CCSER1: variants seen among roughly 807,000 people sequenced by gnomAD.
CCSER1 encodes the protein coiled-coil serine rich protein 1, also known as serine-rich coiled-coil domain-containing protein 1.
Under a neutral mutation model 82.0 loss-of-function variants are expected in CCSER1, and 41 were observed. The ratio of observed to expected loss-of-function variants is 0.50; its 90% CI spans 0.39 to 0.65. The LOEUF (loss-of-function observed/expected upper bound fraction) is 0.65. CCSER1 is among the 30% of genes least tolerant of loss of function. CCSER1 has a pLI of 0.00. For synonymous variants in CCSER1, 414 were observed against 383.9 expected (o/e 1.08, Z -0.92); for missense variants, 1,119 against 1,064.2 (o/e 1.05, Z -0.72).
At chr4:91,478,890 A>T (rs1344139518) in intron 10 of CCSER1, among the ~76,000 whole-genome samples, 2 of 151,856 alleles carry the variant, frequency 1.3e-5, no homozygotes, top group African/African-American at 4.8e-5. Context: ...GCAGATTTTT[A>T]ATTTACTCTG....
At position 90,388,883 on chromosome 4, in the gene CCSER1, G is replaced by A. The variant is rs182308004; in HGVS notation, c.1510-11153G>A. 2.5e-3 allele frequency among the ~76,000 whole-genome samples: 383 copies of A among 152,210 alleles called. 3 individuals are homozygous for A. The highest frequency in any genetic ancestry group is 0.02 in the Middle Eastern group (6 of 294). On this transcript the variant is annotated intron_variant, in intron 3 of 10. Coordinates refer to ENST00000509176, the MANE Select transcript of CCSER1 (RefSeq NM_001145065.2). ...ACTCCTGACCTCAGGAGATCTGCCC[G>A]CCTTGGCCTCCCAAAGTGCTGGGAG... is the stretch of plus-strand genomic sequence containing the variant.
intron 8 of CCSER1, among the ~76,000 whole-genome samples, chr4:90,882,809 A>C (rs73834575): frequency 0.013 from 1,930 of 152,178 alleles, 37 homozygotes; most frequent in African/African-American, 0.044. Context: ...TCACTTAGGA[A>C]TAGGTTACAT....
intron 10 of CCSER1, among the ~76,000 whole-genome samples, chr4:91,180,384 T>C (rs891083920): frequency 2.6e-5 from 4 of 152,230 alleles, no homozygotes; most frequent in Non-Finnish European, 1.5e-5. Flanking sequence ...CTGCCTTTTG[T>C]TCAGTTATGT....
intron 1 of CCSER1, among the ~76,000 whole-genome samples, chr4:90,147,198 CTGTG>C (rs1247455137): frequency 1.6e-4 from 24 of 151,630 alleles, no homozygotes; most frequent in Non-Finnish European, 7.4e-5. Flanking sequence ...CTGTGTCTTT[CTGTG>C]TGTAAGACAC....
chr4:91,085,864 C>T (rs1347157672), intron 9 of CCSER1, 86 bp from the exon 10 acceptor site: 20 of 789,114 alleles, frequency 2.5e-5, no homozygotes, highest in Non-Finnish European at 4.3e-5. Flanking sequence ...TGAATTATTT[C>T]CTTTATTTCA....
At chr4:90,788,993 TTCTA>T (rs1021682205) in intron 7 of CCSER1, among the ~76,000 whole-genome samples, 2 of 125,720 alleles carry the variant, frequency 1.6e-5, no homozygotes, top group Admixed American at 8.0e-5. Context: ...GATTAAGCTT[TTCTA>T]TCTAACACAT....
intron 7 of CCSER1, among the ~76,000 whole-genome samples, chr4:90,813,640 T>G (rs566778416): frequency 6.6e-6 from 1 of 152,288 alleles, no homozygotes; most frequent in Non-Finnish European, 1.5e-5. Flanking sequence ...TGCTTCTTCC[T>G]CATTTTCTCT....
At chr4:91,492,558 A>C (rs1758604909) in intron 10 of CCSER1, among the ~76,000 whole-genome samples, 1 of 152,096 alleles carries the variant, frequency 6.6e-6, no homozygotes, top group African/African-American at 2.4e-5. Context: ...TGTTTTGACT[A>C]TAAACTGTTG....
intron 10 of CCSER1, among the ~76,000 whole-genome samples, chr4:91,470,245 G>C (rs1250347540): frequency 6.6e-6 from 1 of 152,128 alleles, no homozygotes; most frequent in Non-Finnish European, 1.5e-5. Context: ...ACAGATTGTA[G>C]ACATTTAACA....
At chr4:90,382,601 A>G (rs1412577708) in intron 3 of CCSER1, among the ~76,000 whole-genome samples, 3 of 152,094 alleles carry the variant, frequency 2.0e-5, no homozygotes, top group African/African-American at 7.2e-5. Flanking sequence ...TAGTCTTTCA[A>G]ATGAATGGGA....
At chr4:91,440,057 G>A (rs920207070) in intron 10 of CCSER1, among the ~76,000 whole-genome samples, 5 of 151,846 alleles carry the variant, frequency 3.3e-5, no homozygotes, top group African/African-American at 9.7e-5. Flanking sequence ...ACAGATCAAC[G>A]AGACAGAAAG....
chr4:90,347,134 A>G (rs1374214436), intron 3 of CCSER1, among the ~76,000 whole-genome samples: 1 of 152,204 alleles, frequency 6.6e-6, no homozygotes, highest in African/African-American at 2.4e-5. Flanking sequence ...ATGATTAAGT[A>G]CATTATAGAA....
At chr4:91,375,925 T>C (rs1190359815) in intron 10 of CCSER1, among the ~76,000 whole-genome samples, 1 of 152,106 alleles carries the variant, frequency 6.6e-6, no homozygotes, top group Non-Finnish European at 1.5e-5. Flanking sequence ...GTTAGATCCC[T>C]ACTTTACAGG....
chr4:90,332,362 A>C (rs1739462874), intron 3 of CCSER1, among the ~76,000 whole-genome samples: 1 of 151,214 alleles, frequency 6.6e-6, no homozygotes, highest in Admixed American at 6.6e-5. Flanking sequence ...TCAGCCTCCC[A>C]CGTAGCTGGG....
At chr4:90,242,371 T>G (rs560721139) in intron 1 of CCSER1, among the ~76,000 whole-genome samples, 26 of 152,206 alleles carry the variant, frequency 1.7e-4, no homozygotes, top group Non-Finnish European at 3.1e-4. Context: ...TCTTAGGCAC[T>G]ATTCCCAATG....
intron 1 of CCSER1, among the ~76,000 whole-genome samples, chr4:90,150,303 C>T (rs1263298937): frequency 2.0e-5 from 3 of 151,960 alleles, no homozygotes; most frequent in African/African-American, 7.3e-5. Context: ...CCTGAGTTTC[C>T]TATTTATTTT....
In CCSER1 at chr4:91,085,940, T is replaced by C. The variant is rs925686875; in HGVS notation, c.2173-10T>C. 6.7e-7 allele frequency: 1 copy of C among 1,484,428 alleles called. No homozygotes were observed. The highest frequency in any genetic ancestry group is 9.2e-7 in the Non-Finnish European group (1 of 1,087,306). The allele number at this position is 1,484,428 out of a possible 1,614,324, so 92.0% of individuals were successfully genotyped here. A position where few individuals can be genotyped will look rare whatever the true frequency, so the allele number is the denominator to read the frequency against. ...TGCCAATAATAATATACTTTGCTTT[T>C]CTTTTTCAGGGTTTAAACTTGAAAA... On this transcript the variant is annotated splice_polypyrimidine_tract_variant and intron_variant, in intron 9 of 10. Transcript: ENST00000509176.
At chr4:90,751,391 G>T (rs1451185537) in intron 7 of CCSER1, among the ~76,000 whole-genome samples, 1 of 152,018 alleles carries the variant, frequency 6.6e-6, no homozygotes, top group African/African-American at 2.4e-5. Context: ...AAGTATCTTT[G>T]TTCTTATTCA....
chr4:90,436,127 A>G (rs190873759), intron 4 of CCSER1, among the ~76,000 whole-genome samples: 99 of 152,266 alleles, frequency 6.5e-4, no homozygotes, highest in Non-Finnish European at 8.1e-4. Flanking sequence ...CTTGAATTAA[A>G]GCACATAACA....
Sources: gnomAD v4.1 joint callset for allele counts (sites outside exome capture counted in the v4.1 genomes callset) on GRCh38, gnomAD v4.1.1 for gene constraint, MANE v1.5 for transcripts, NCBI Gene and HGNC (gene_info 2026-07-23, HGNC 2026-07-21) for gene names.